The following PRKAG2 variants were observed in gnomAD, a reference collection of about 807,000 sequenced individuals.
PRKAG2 encodes the protein 5'-AMP-activated protein kinase subunit gamma-2.
In PRKAG2, 26 loss-of-function variants were observed where a neutral mutation model predicts 69.6. The ratio of observed to expected loss-of-function variants is 0.37; its 90% CI spans 0.27 to 0.52. The LOEUF (loss-of-function observed/expected upper bound fraction) is 0.52. Ranked by LOEUF, PRKAG2 falls within the 20% of genes least tolerant of loss-of-function variation. The pLI is 0.90. For missense variants in PRKAG2, 557 were observed against 740.0 expected (o/e 0.75, Z 2.87); for synonymous variants, 293 against 285.0 (o/e 1.03, Z -0.28).
At chr7:151,811,193 T>A (rs949847187) in intron 1 of PRKAG2, among the ~76,000 whole-genome samples, 1 of 152,238 alleles carries the variant, frequency 6.6e-6, no homozygotes, top group African/African-American at 2.4e-5. Flanking sequence ...TTGGAAGGTG[T>A]TCTGCTGGGC....
chr7:151,579,194 T>A (rs556962165), intron 6 of PRKAG2, among the ~76,000 whole-genome samples: 75 of 152,228 alleles, frequency 4.9e-4, no homozygotes, highest in South Asian at 3.1e-3. Context: ...CCAGATAATT[T>A]TTTTTCTTGT....
intron 3 of PRKAG2, among the ~76,000 whole-genome samples, chr7:151,732,707 TTTG>T (rs2151686291): frequency 6.6e-6 from 1 of 152,228 alleles, no homozygotes; most frequent in African/African-American, 2.4e-5. Flanking sequence ...GTGGTTTTTC[TTTG>T]AGACGGAGTC....
rs537812494 is a variant in PRKAG2, at chr7:151,725,050, C to A, written c.467-49413G>T. On this transcript the variant is annotated intron_variant, in intron 3 of 15. Transcript: ENST00000287878. ...TGACGTGAGTACTCCTGCCCCTTCA[C>A]GGGCCAACAGGAGCGAGGTCGGCCC... 7.4e-4 allele frequency among the ~76,000 whole-genome samples: 113 copies of A among 152,202 alleles called. 1 individual carries two copies. The highest frequency in any genetic ancestry group is 2.3e-3 in the South Asian group (11 of 4,764).
In PRKAG2 at chr7:151,876,906, C is replaced by T. The variant is rs1218129497; in HGVS notation, c.-286G>A. The T allele has an allele frequency of 1.7e-5, 9 of 521,136 alleles. No homozygotes were observed. Among genetic ancestry groups the T allele is most frequent in the African/African-American group, 1.3e-4 (7 of 52,314 alleles). The allele number at this position is 521,136 out of a possible 1,614,324, so 32.3% of individuals were successfully genotyped here. On this transcript the variant is annotated 5_prime_UTR_variant, in exon 1 of 16. Coordinates refer to ENST00000287878, the MANE Select transcript of PRKAG2 (RefSeq NM_016203.4). Reference sequence around the variant, plus strand: ...CGGGTTACTCGTGGCTGAGGTCTCCCGCTGGGTGACAAAGTTTTCTTCCTT... The same window carrying T: ...CGGGTTACTCGTGGCTGAGGTCTCCTGCTGGGTGACAAAGTTTTCTTCCTT...
At chr7:151,808,592 T>G (rs7802319) in intron 1 of PRKAG2, among the ~76,000 whole-genome samples, 39,179 of 105,618 alleles carry the variant, frequency 0.37, 5,432 homozygotes, top group East Asian at 0.43. Flanking sequence ...TGCAGGTTGT[T>G]GGGGGGGCTT....
At chr7:151,693,649 T>C (rs1350950502) in intron 3 of PRKAG2, among the ~76,000 whole-genome samples, 1 of 152,192 alleles carries the variant, frequency 6.6e-6, no homozygotes, top group Non-Finnish European at 1.5e-5. Flanking sequence ...CAAGTCCTTA[T>C]GTTGAATTCT....
rs913629056 is a variant in PRKAG2, at chr7:151,814,351, A to T, written c.115-27810T>A. 6 of 1,121,994 alleles carry T rather than the reference A, an allele frequency of 5.3e-6. No individual in the cohort carries two copies. The East Asian group carries it at 1.8e-4, about 34-fold the overall frequency. The allele number at this position is 1,121,994 out of a possible 1,614,324, so 69.5% of individuals were successfully genotyped here. On this transcript the variant is annotated intron_variant, in intron 1 of 15. Coordinates refer to ENST00000287878, the MANE Select transcript of PRKAG2 (RefSeq NM_016203.4). The surrounding 1 kb of genome is among the most constrained non-coding windows in gnomAD (Gnocchi z 4.8). The stretch of plus-strand genomic sequence containing the variant: ...GAGACAAAGCATCGTGAGGGGGAAA[A>T]CCGCACACCCAGGGACGCACAATCA...
intron 7 of PRKAG2, among the ~76,000 whole-genome samples, chr7:151,575,896 C>CA (rs397769419): frequency 0.15 from 9,713 of 62,842 alleles, 583 homozygotes; most frequent in African/African-American, 0.27. Context: ...AATGAGGCGG[C>CA]AAAAAAAAAA....
At chr7:151,868,971 G>A (rs2080147429) in intron 1 of PRKAG2, among the ~76,000 whole-genome samples, 1 of 152,210 alleles carries the variant, frequency 6.6e-6, no homozygotes, top group Admixed American at 6.5e-5. Context: ...AGATGAAGAG[G>A]CGTTGGCAAA....
At chr7:151,875,470 A>T (rs934747477) in intron 1 of PRKAG2, among the ~76,000 whole-genome samples, 36 of 152,056 alleles carry the variant, frequency 2.4e-4, no homozygotes, top group Admixed American at 6.5e-5. Context: ...GTCGGGAAGG[A>T]TTAGCTTTAA....
intron 1 of PRKAG2, among the ~76,000 whole-genome samples, chr7:151,866,665 G>A (rs1269900826): frequency 1.3e-5 from 2 of 152,160 alleles, no homozygotes; most frequent in Non-Finnish European, 2.9e-5. Context: ...CTATAGATGA[G>A]GATGGGGCCC....
chr7:151,766,399 G>A (rs760614921), intron 3 of PRKAG2, among the ~76,000 whole-genome samples: 1 of 152,230 alleles, frequency 6.6e-6, no homozygotes, highest in Admixed American at 6.5e-5. Context: ...TGGGAGGTTG[G>A]TGGGAAGTGA....
chr7:151,736,243 G>T, intron 3 of PRKAG2: 1 of 1,356,294 alleles, frequency 7.4e-7, no homozygotes, highest in Non-Finnish European at 9.5e-7. Context: ...GTCCTGACGG[G>T]GCTGCACCTC....
intron 1 of PRKAG2, among the ~76,000 whole-genome samples, chr7:151,868,777 G>T (rs935941535): frequency 1.3e-5 from 2 of 152,306 alleles, no homozygotes; most frequent in East Asian, 1.9e-4. Flanking sequence ...ATGTAAAAAG[G>T]TGCCTAGAAA....
intron 1 of PRKAG2, among the ~76,000 whole-genome samples, chr7:151,843,573 G>A: frequency 6.6e-6 from 1 of 152,128 alleles, no homozygotes; most frequent in South Asian, 2.1e-4. Flanking sequence ...GAGAATAAAT[G>A]GATTTCTGCT....
intron 3 of PRKAG2, among the ~76,000 whole-genome samples, chr7:151,718,639 AAAAC>A (rs200824323): frequency 0.036 from 5,094 of 141,308 alleles, 312 homozygotes; most frequent in African/African-American, 0.13. Flanking sequence ...ACCCAAAAAC[AAAAC>A]AAACAAAAAA....
intron 1 of PRKAG2, among the ~76,000 whole-genome samples, chr7:151,797,130 C>T (rs1053708826): frequency 6.6e-6 from 1 of 152,080 alleles, no homozygotes; most frequent in South Asian, 2.1e-4. Context: ...AAACCAGCCA[C>T]GAGGTGAAAG....
intron 3 of PRKAG2, among the ~76,000 whole-genome samples, chr7:151,776,928 T>G (rs979045988): frequency 6.6e-6 from 1 of 152,168 alleles, no homozygotes; most frequent in Non-Finnish European, 1.5e-5. Context: ...TCTCTGCTTC[T>G]GAGCCCCAGC....
At chr7:151,643,365 GTC>G (rs903839222) in intron 4 of PRKAG2, among the ~76,000 whole-genome samples, 8 of 152,332 alleles carry the variant, frequency 5.3e-5, no homozygotes, top group African/African-American at 1.4e-4. Context: ...TCACAAGGCA[GTC>G]TCTGTTTTCT....
Sources: allele counts gnomAD v4.1 joint callset (sites outside exome capture counted in the v4.1 genomes callset), GRCh38; gene constraint gnomAD v4.1.1; non-coding constraint Gnocchi (gnomAD v3.1); transcripts MANE v1.5; gene names NCBI Gene and HGNC (gene_info 2026-07-23, HGNC 2026-07-21).